Variants in FRMPD2 observed in about 807,000 individuals in gnomAD.
FRMPD2 encodes the protein FERM and PDZ domain-containing protein 2.
FRMPD2 carries 96 observed loss-of-function variants against 140.1 expected under a neutral mutation model. That is an observed-to-expected ratio of 0.69 (90% CI 0.58 to 0.81). The LOEUF is 0.81. Among genes scored for constraint, FRMPD2 ranks in the 40% least tolerant of loss-of-function variants. The pLI, the probability that FRMPD2 is intolerant of heterozygous loss-of-function variation, is 0.00. For synonymous variants in FRMPD2, 449 were observed against 547.6 expected (o/e 0.82, Z 2.52); for missense variants, 1,240 against 1,447.4 (o/e 0.86, Z 2.32).
At chr10:48,201,562 CT>C in intron 14 of FRMPD2, 178 bp from the exon 15 acceptor site, 1 of 522,724 alleles carries the variant, frequency 1.9e-6, no homozygotes, top group Non-Finnish European at 3.4e-6. Context: ...GAAAATCCCT[CT>C]TTTTAGTTTT....
At chr10:48,200,549 A>G (rs1839061646) in intron 15 of FRMPD2, among the ~76,000 whole-genome samples, 1 of 152,238 alleles carries the variant, frequency 6.6e-6, no homozygotes, top group Admixed American at 6.5e-5. Flanking sequence ...TGTGACAGGA[A>G]TAAAGTCTTT....
rs1178469204 is a variant in FRMPD2 at position 48,206,777 on chromosome 10, A to G, written c.1768T>C (p.Trp590Arg). The part of the protein sequence containing the change: ...NSRIAMLRFQ[W>R]RETGKISTYQ... ...GTAGAAATCTTCCCGGTTTCTCTCC[A>G]CTGAAACCGTAACATTGCAATTCTG... Residue 590 changes from tryptophan (W) to arginine (R), a missense_variant, in exon 14 of 29, where the codon TGG becomes CGG. Physicochemically the swap from Trp to Arg is moderately radical, Grantham distance 101. Coordinates refer to ENST00000374201, the MANE Select transcript of FRMPD2 (RefSeq NM_001018071.4). 4 of 1,614,046 alleles carry G rather than the reference A, an allele frequency of 2.5e-6. No homozygotes were observed. Among genetic ancestry groups the G allele is most frequent in the Non-Finnish European group, 3.4e-6 (4 of 1,179,910 alleles).
intron 22 of FRMPD2, chr10:48,177,765 C>G (rs1179020797): frequency 1.5e-5 from 4 of 258,076 alleles, no homozygotes; most frequent in Admixed American, 4.1e-5. Flanking sequence ...TGCAGTCCAG[C>G]TTGACCTCAG....
At chr10:48,256,530 C>T (rs1840494042) in intron 1 of FRMPD2, among the ~76,000 whole-genome samples, 1 of 152,168 alleles carries the variant, frequency 6.6e-6, no homozygotes, top group African/African-American at 2.4e-5. Context: ...TGACCTCTGG[C>T]CTTCATCTGT....
intron 9 of FRMPD2, among the ~76,000 whole-genome samples, chr10:48,234,642 C>T (rs190305187): frequency 6.6e-6 from 1 of 152,184 alleles, no homozygotes; most frequent in East Asian, 1.9e-4. Flanking sequence ...GGGAATGGGG[C>T]CTCCTGTTTC....
rs1414715911 is a variant in FRMPD2, at chr10:48,212,097, T to C, written c.1468A>G (p.Lys490Glu). ...GNYPKEQVESKPYFHVEDYIP... is the reference protein window; with the variant it reads ...GNYPKEQVESEPYFHVEDYIP... ...TAATCTTCAACGTGAAAGTATGGCT[T>C]ACTCTCCACCTGCTGGAAGTAAGAT... is the stretch of plus-strand genomic sequence containing the variant. Residue 490 changes from lysine (K) to glutamate (E), a missense_variant, in exon 13 of 29, where the codon AAG becomes GAG. By Grantham distance (56) the Lys-to-Glu change is moderately conservative (BLOSUM62 1). This residue lies in a region of FRMPD2 where 1,161 missense variants were observed against 1,055.9 expected (regional missense o/e 1.10). Transcript: ENST00000374201. 1.9e-6 allele frequency: 3 copies of C among 1,614,008 alleles called. No individual in the cohort carries two copies. The South Asian group carries it at 3.3e-5, about 18-fold the overall frequency.
chr10:48,181,186 T>C (rs1838535491), intron 20 of FRMPD2, among the ~76,000 whole-genome samples, 178 bp from the exon 21 acceptor site: 1 of 152,090 alleles, frequency 6.6e-6, no homozygotes, highest in African/African-American at 2.4e-5. Context: ...AAAGGGAAGA[T>C]TCTACATGGG....
intron 3 of FRMPD2, 115 bp from the exon 4 acceptor site, chr10:48,244,964 A>G: frequency 1.3e-6 from 1 of 796,942 alleles, no homozygotes; most frequent in South Asian, 1.5e-5. Context: ...TGGCGAGTCT[A>G]GCACCATCTG....
At chr10:48,174,399 C>T (rs1838350600) in intron 24 of FRMPD2, among the ~76,000 whole-genome samples, 2 of 152,174 alleles carry the variant, frequency 1.3e-5, no homozygotes, top group South Asian at 4.1e-4. Context: ...GAAAAGAATC[C>T]CAGGACACTC....
chr10:48,261,320 A>G (rs907644032), intron 1 of FRMPD2, among the ~76,000 whole-genome samples: 1 of 152,156 alleles, frequency 6.6e-6, no homozygotes, highest in Non-Finnish European at 1.5e-5. Context: ...ATAAATAAAA[A>G]AAACACATGT....
chr10:48,223,414 T>C, intron 10 of FRMPD2, 144 bp from the exon 11 acceptor site: 1 of 643,320 alleles, frequency 1.6e-6, no homozygotes, highest in Non-Finnish European at 2.4e-6. Flanking sequence ...GCGTACCTGG[T>C]AGCAAGGAAC....
At chr10:48,216,515 C>G (rs887609241) in intron 12 of FRMPD2, among the ~76,000 whole-genome samples, 12 of 152,104 alleles carry the variant, frequency 7.9e-5, no homozygotes, top group African/African-American at 2.7e-4. Flanking sequence ...CCTGCTGTCC[C>G]CAACAACTCT....
chr10:48,232,023 C>A (rs1839858479), intron 10 of FRMPD2, 92 bp downstream of exon 10: 1 of 1,214,672 alleles, frequency 8.2e-7, no homozygotes, highest in Non-Finnish European at 1.2e-6. Context: ...AAGTCTCAAA[C>A]AGTTTTCCCA....
intron 10 of FRMPD2, 38 bp downstream of exon 10, chr10:48,232,077 G>C: frequency 6.2e-7 from 1 of 1,603,016 alleles, no homozygotes; most frequent in Non-Finnish European, 8.5e-7. Context: ...GTTACCAGAG[G>C]CACCAGGCCA....
Position 48,223,223 on chromosome 10 carries a change from C to T in FRMPD2, c.1216G>A (p.Ala406Thr). ...GGCTGCTCTCTCCAGCCTTCAGGAG[C>T]TATTTTGCACAATCTGGTTTCACTG... ...LDSETRLCKI[A>T]PEGWREQPQK... Residue 406 changes from alanine (A) to threonine (T), a missense_variant, in exon 11 of 29, where the codon GCT becomes ACT. Physicochemically the swap from Ala to Thr is moderately conservative, Grantham distance 58. Around this residue, in one of 6 missense-constraint regions of FRMPD2, gnomAD observed 1,161 missense variants for 1,055.9 expected, o/e 1.10. Transcript: ENST00000374201. 6.2e-7 allele frequency: 1 copy of T among 1,613,970 alleles called. No homozygotes were observed. The highest frequency in any genetic ancestry group is 2.2e-5 in the East Asian group (1 of 44,880).
chr10:48,208,448 A>C (rs904515976), intron 13 of FRMPD2, among the ~76,000 whole-genome samples: 2 of 152,180 alleles, frequency 1.3e-5, no homozygotes, highest in African/African-American at 4.8e-5. Flanking sequence ...ATTATTATTT[A>C]ATCTTCAGAA....
chr10:48,237,999 T>G lies in FRMPD2; in HGVS notation c.913A>C (p.Arg305=). 1 of 1,614,192 alleles carries G rather than the reference T, an allele frequency of 6.2e-7. No individual in the cohort carries two copies. The change falls in exon 8 of 29, where the codon AGG becomes CGG. Residue 305 remains arginine (R), a synonymous_variant. Transcript: ENST00000374201. ...TPSQRGFLQR[R]SKFSRPEFIL... is the part of the protein sequence containing the mutation. The stretch of plus-strand genomic sequence containing the variant: ...AGCCTTATTTTGCTTACCTTGCTCC[T>G]TCTTTGCAGAAAACCCCTCTGAGAA...
intron 16 of FRMPD2, 98 bp downstream of exon 16, chr10:48,192,586 G>T (rs1473764101): frequency 8.9e-7 from 1 of 1,123,146 alleles, no homozygotes. Flanking sequence ...GCAAAACTCA[G>T]TCTCAAAAAA....
rs541431506 is a variant in FRMPD2 at position 48,262,501 on chromosome 10, C to G, written c.26-10810G>C. Among the ~76,000 whole-genome samples the G allele has an allele frequency of 6.9e-4, 105 of 152,240 alleles. 1 individual carries two copies. Among genetic ancestry groups the G allele is most frequent in the South Asian group, 2.5e-3 (12 of 4,818 alleles). ...AGCATCAGAATACATGACATAAAAA[C>G]TGGTAGAACTGCAAGGAGGAATAAA... On this transcript the variant is annotated intron_variant, in intron 1 of 28. Coordinates refer to ENST00000374201, the MANE Select transcript of FRMPD2 (RefSeq NM_001018071.4).
Sources: gnomAD v4.1 joint callset for allele counts (sites outside exome capture counted in the v4.1 genomes callset) on GRCh38, gnomAD v4.1.1 for gene constraint, gnomAD v4.1.1 regional missense constraint, MANE v1.5 for transcripts, NCBI Gene and HGNC (gene_info 2026-07-23, HGNC 2026-07-21) for gene names.